UTRN: variants seen among roughly 807,000 people sequenced by gnomAD.
UTRN encodes dystrophin-related protein 1.
UTRN carries 283 observed loss-of-function variants against 463.9 expected under a neutral mutation model. The ratio of observed to expected loss-of-function variants is 0.61; its 90% CI spans 0.55 to 0.67. The LOEUF (loss-of-function observed/expected upper bound fraction) is 0.67. UTRN is among the 30% of genes least tolerant of loss of function. The pLI is 0.00. For missense variants in UTRN, 3,922 were observed against 4,084.3 expected, an observed-to-expected ratio of 0.96 and a Z score of 1.08; for synonymous variants, 1,442 against 1,431.5, an observed-to-expected ratio of 1.01 and a Z score of -0.17.
intron 64 of UTRN, among the ~76,000 whole-genome samples, chr6:144,800,183 T>G (rs1188851626): frequency 1.3e-5 from 2 of 152,178 alleles, no homozygotes; most frequent in Non-Finnish European, 2.9e-5. Flanking sequence ...GATAAAATAC[T>G]CTAAAAACAT....
chr6:144,478,520 T>C (rs1307254167), intron 25 of UTRN, among the ~76,000 whole-genome samples: 3 of 152,232 alleles, frequency 2.0e-5, no homozygotes, highest in African/African-American at 7.2e-5. Context: ...TGAGTGTTGC[T>C]GGCATCAGCT....
chr6:144,846,971 C>CA, intron 74 of UTRN, 144 bp downstream of exon 74: 3 of 1,230,216 alleles, frequency 2.4e-6, no homozygotes, highest in Non-Finnish European at 3.4e-6. Flanking sequence ...TGATTCTGTA[C>CA]AACAGTTTGT....
intron 2 of UTRN, among the ~76,000 whole-genome samples, chr6:144,336,927 C>T (rs896753969): frequency 2.6e-5 from 4 of 152,096 alleles, no homozygotes; most frequent in African/African-American, 7.2e-5. Flanking sequence ...TGTAGGGTTG[C>T]GCCTGTGGCC....
chr6:144,452,039 A>G (rs992642852), intron 18 of UTRN, among the ~76,000 whole-genome samples: 47 of 152,200 alleles, frequency 3.1e-4, no homozygotes, highest in African/African-American at 1.1e-3. Context: ...TACGTCTCCT[A>G]CACATTACTG....
At chr6:144,491,355 A>C (rs1402936511) in intron 32 of UTRN, among the ~76,000 whole-genome samples, 1 of 152,238 alleles carries the variant, frequency 6.6e-6, no homozygotes, top group Non-Finnish European at 1.5e-5. Flanking sequence ...AACCAAAACA[A>C]AAGAAATACA....
At chr6:144,760,202 C>G (rs1165323010) in intron 58 of UTRN, among the ~76,000 whole-genome samples, 1 of 151,936 alleles carries the variant, frequency 6.6e-6, no homozygotes, top group Admixed American at 6.6e-5. Flanking sequence ...TTGGAAGGAT[C>G]TGGTAGGATT....
At chr6:144,413,083 C>T (rs1388358768) in intron 3 of UTRN, among the ~76,000 whole-genome samples, 1 of 152,112 alleles carries the variant, frequency 6.6e-6, no homozygotes, top group Non-Finnish European at 1.5e-5. Flanking sequence ...TTTGGCAGCA[C>T]CAAGCTAGAT....
At chr6:144,607,704 T>C (rs1805014681) in intron 51 of UTRN, among the ~76,000 whole-genome samples, 1 of 152,176 alleles carries the variant, frequency 6.6e-6, no homozygotes. Flanking sequence ...CACCAAAAAC[T>C]TCTGTATAAA....
intron 2 of UTRN, among the ~76,000 whole-genome samples, chr6:144,299,949 C>A (rs1448461391): frequency 6.6e-6 from 1 of 151,888 alleles, no homozygotes; most frequent in Non-Finnish European, 1.5e-5. Context: ...AAATAATTTG[C>A]CTACCATTCT....
Position 144,514,021 on chromosome 6 carries a change from A to G in UTRN, c.5057A>G (p.Gln1686Arg). 1.2e-6 allele frequency: 2 copies of G among 1,613,998 alleles called. No homozygotes were observed. Among genetic ancestry groups the G allele is most frequent in the Non-Finnish European group, 1.7e-6 (2 of 1,179,898 alleles). Residue 1686 changes from glutamine to arginine, a missense_variant, in exon 36 of 75, where the codon CAG becomes CGG. Transcript: ENST00000367545. ...DEIEKKPTSK[Q>R]EEIVKRLVSE... ...ATTGAAAAGAAACCAACAAGTAAAC[A>G]GGAAGAAATTGTGAAGGTAGCAAAC...
chr6:144,367,812 C>G (rs1254983827), intron 2 of UTRN, among the ~76,000 whole-genome samples: 1 of 152,038 alleles, frequency 6.6e-6, no homozygotes, highest in East Asian at 1.9e-4. Context: ...GATGGAGTTT[C>G]ACTCTTTTGC....
At chr6:144,702,139 G>A (rs1784659966) in intron 53 of UTRN, among the ~76,000 whole-genome samples, 1 of 152,128 alleles carries the variant, frequency 6.6e-6, no homozygotes, top group African/African-American at 2.4e-5. Flanking sequence ...GCTGCTTATG[G>A]CCATATGCTA....
chr6:144,430,792 AGTCTT>A (rs1785754742), intron 9 of UTRN, among the ~76,000 whole-genome samples: 1 of 152,190 alleles, frequency 6.6e-6, no homozygotes, highest in Non-Finnish European at 1.5e-5. Context: ...TTATGATACT[AGTCTT>A]GAATTGACAT....
intron 66 of UTRN, among the ~76,000 whole-genome samples, chr6:144,823,974 A>G (rs1388932631): frequency 6.6e-6 from 1 of 152,332 alleles, no homozygotes; most frequent in East Asian, 1.9e-4. Flanking sequence ...ACATCCGACT[A>G]GAAGGAAGTA....
chr6:144,456,105 A>AT (rs1788785601), intron 19 of UTRN, among the ~76,000 whole-genome samples: 1 of 152,046 alleles, frequency 6.6e-6, no homozygotes, highest in Admixed American at 6.6e-5. Flanking sequence ...CTATTAAAAA[A>AT]TTTTTTTTAG....
At chr6:144,466,102 T>C (rs1302182239) in intron 23 of UTRN, among the ~76,000 whole-genome samples, 1 of 152,352 alleles carries the variant, frequency 6.6e-6, no homozygotes, top group East Asian at 1.9e-4. Context: ...TGACAAATAT[T>C]GCTAATTCCA....
intron 51 of UTRN, among the ~76,000 whole-genome samples, chr6:144,632,844 C>T (rs968195469): frequency 4.6e-5 from 7 of 151,720 alleles, no homozygotes; most frequent in Admixed American, 4.6e-4. Flanking sequence ...GCCTCATTCT[C>T]TCAAGTAGCT....
intron 53 of UTRN, among the ~76,000 whole-genome samples, chr6:144,722,137 C>T (rs1787250103): frequency 6.6e-6 from 1 of 152,202 alleles, no homozygotes. Flanking sequence ...CTTTCCCTAA[C>T]TTCCTTGATA....
chr6:144,461,335 A>G lies in UTRN; in HGVS notation c.2846A>G (p.Glu949Gly), dbSNP rs778841433. ...GCCAAGGTGGAGAAGGCCCTGCAAG[A>G]AAAAAAGGTAACATATATCTTCCAT... ...DLAKVEKALQEKKTLDEILEN... is the reference protein window; with the variant it reads ...DLAKVEKALQGKKTLDEILEN... Residue 949 changes from glutamate to glycine, a missense_variant, in exon 22 of 75, where the codon GAA (glutamate) becomes GGA (glycine). Coordinates refer to ENST00000367545, the MANE Select transcript of UTRN (RefSeq NM_007124.3). 2 of 1,560,540 alleles carry G rather than the reference A, an allele frequency of 1.3e-6. No homozygotes were observed. The highest frequency in any genetic ancestry group is 3.7e-5 in the Admixed American group (2 of 53,458).
Sources: gnomAD v4.1 joint callset for allele counts (sites outside exome capture counted in the v4.1 genomes callset) on GRCh38, gnomAD v4.1.1 for gene constraint, MANE v1.5 for transcripts, NCBI Gene and HGNC (gene_info 2026-07-23, HGNC 2026-07-21) for gene names.